The following ADK variants were observed in gnomAD, a reference collection of about 807,000 sequenced individuals.
The protein encoded by ADK is adenosine kinase.
In ADK, 24 loss-of-function variants were observed where a neutral mutation model predicts 44.7. The ratio of observed to expected loss-of-function variants is 0.54; its 90% CI spans 0.39 to 0.76. ADK has a LOEUF of 0.76. Ranked by LOEUF, ADK falls within the 30% of genes least tolerant of loss-of-function variation. The pLI, the probability that ADK is intolerant of heterozygous loss-of-function variation, is 0.00. For missense variants in ADK, 321 were observed against 425.1 expected, an observed-to-expected ratio of 0.76 and a Z score of 2.15; for synonymous variants, 128 against 142.6, an observed-to-expected ratio of 0.90 and a Z score of 0.73.
intron 4 of ADK, among the ~76,000 whole-genome samples, chr10:74,340,358 T>G (rs1260709909): frequency 1.3e-5 from 2 of 152,100 alleles, no homozygotes; most frequent in Non-Finnish European, 2.9e-5. Flanking sequence ...CCCATATAAT[T>G]TTTGAGTAGT....
chr10:74,431,066 C>CAAAAAAAAAAAAAAGA (rs1844974429), intron 6 of ADK, among the ~76,000 whole-genome samples: 1 of 57,238 alleles, frequency 1.7e-5, no homozygotes, highest in East Asian at 6.3e-4. Flanking sequence ...GACTCCGTCT[C>CAAAAAAAAAAAAAAGA]AAAAAAAAAA....
intron 4 of ADK, among the ~76,000 whole-genome samples, chr10:74,367,817 T>A (rs1377543461): frequency 6.6e-6 from 1 of 152,210 alleles, no homozygotes; most frequent in Non-Finnish European, 1.5e-5. Context: ...ATAGTGCAGA[T>A]ATGCTGTCTA....
At chr10:74,177,224 C>CG (rs145139696) in intron 1 of ADK, among the ~76,000 whole-genome samples, 10,684 of 152,100 alleles carry the variant, frequency 0.07, 1,295 homozygotes, top group African/African-American at 0.24. Flanking sequence ...CCGGAGGGAG[C>CG]GTGGCGTGCA....
chr10:74,312,552 ACAC>A (rs1036383759), intron 3 of ADK, among the ~76,000 whole-genome samples: 5 of 151,876 alleles, frequency 3.3e-5, no homozygotes, highest in African/African-American at 4.8e-5. Context: ...TAAACTATAA[ACAC>A]CAGTTAAAAA....
intron 4 of ADK, among the ~76,000 whole-genome samples, chr10:74,364,046 A>G (rs539107823): frequency 3.3e-5 from 5 of 152,230 alleles, no homozygotes; most frequent in Non-Finnish European, 7.3e-5. Flanking sequence ...TTCAACTTCT[A>G]GTAAGCAATC....
rs570858610 is a variant in ADK, at chr10:74,372,073, G to C, written c.274-22068G>C. ...GGTTTGATGTGGTGGATGCCAGCCC[G>C]GGAAGGTTTGCGCGCGTGTGGCACC... is the stretch of plus-strand genomic sequence containing the variant. On this transcript the variant is annotated intron_variant, in intron 4 of 10. Coordinates refer to ENST00000539909, the MANE Select transcript of ADK (RefSeq NM_006721.4). 1.1e-5 allele frequency: 8 copies of C among 756,654 alleles called. No homozygotes were observed. The Admixed American group carries it at 1.4e-4, about 13-fold the overall frequency. 46.9% of individuals were successfully genotyped at this position (756,654 alleles called of 1,614,324 possible).
chr10:74,163,809 C>T (rs1048881710), intron 1 of ADK, among the ~76,000 whole-genome samples: 1 of 152,100 alleles, frequency 6.6e-6, no homozygotes, highest in Non-Finnish European at 1.5e-5. Flanking sequence ...ATAAACAGTT[C>T]TCTTGTTTGT....
At chr10:74,348,154 A>G (rs1841839908) in intron 4 of ADK, among the ~76,000 whole-genome samples, 1 of 152,184 alleles carries the variant, frequency 6.6e-6, no homozygotes, top group Non-Finnish European at 1.5e-5. Context: ...AACTGCCAAC[A>G]GGGGCCAACA....
chr10:74,704,878 A>G lies in ADK; in HGVS notation c.965-3443A>G, dbSNP rs559818393. ...TGTGGACTGAGCATTTTCGCCTCAC[A>G]GTTTGGCAGAAAAGTTAATATTGAC... On this transcript the variant is annotated intron_variant, in intron 10 of 10. Transcript: ENST00000539909. Among the ~76,000 whole-genome samples the G allele has an allele frequency of 2.6e-5, 4 of 152,356 alleles. No individual in the cohort carries two copies. The South Asian group carries it at 8.3e-4, about 32-fold the overall frequency.
rs1263409961 is a variant in ADK at position 74,600,451 on chromosome 10, G to A, written c.835G>A (p.Val279Met). ...GATGAACTCAAAGAGGCAGCGAATC[G>A]TGATCTTCACCCAAGGGAGAGATGA... Reference protein sequence around the residue: ...PKMNSKRQRIVIFTQGRDDTI... With the variant: ...PKMNSKRQRIMIFTQGRDDTI... Residue 279 changes from valine (V) to methionine (M), a missense_variant, in exon 9 of 11, where the codon GTG (valine) becomes ATG (methionine). By Grantham distance (21) the Val-to-Met change is conservative (BLOSUM62 1). Coordinates refer to ENST00000539909, the MANE Select transcript of ADK (RefSeq NM_006721.4). 1.9e-5 allele frequency: 31 copies of A among 1,611,172 alleles called. No homozygotes were observed. Among genetic ancestry groups the A allele is most frequent in the African/African-American group, 2.7e-5 (2 of 74,822 alleles).
At chr10:74,444,483 C>T (rs1845527820) in intron 6 of ADK, among the ~76,000 whole-genome samples, 1 of 152,008 alleles carries the variant, frequency 6.6e-6, no homozygotes, top group African/African-American at 2.4e-5. Context: ...CTGTAGCCTT[C>T]CCTGTTACAA....
intron 3 of ADK, among the ~76,000 whole-genome samples, chr10:74,287,346 C>G (rs1010777638): frequency 5.3e-5 from 8 of 152,040 alleles, no homozygotes; most frequent in Non-Finnish European, 1.0e-4. Context: ...CGCCTGTAAT[C>G]CCAGCTACTC....
chr10:74,660,729 C>A (rs1253326304), intron 9 of ADK, among the ~76,000 whole-genome samples: 613 of 92,666 alleles, frequency 6.6e-3, no homozygotes, highest in South Asian at 8.0e-3. Context: ...GACCCTGTCT[C>A]AAAAAAAAAA....
chr10:74,482,262 A>G (rs1440267263), intron 6 of ADK, among the ~76,000 whole-genome samples: 1 of 152,154 alleles, frequency 6.6e-6, no homozygotes. Flanking sequence ...CACATCTTAC[A>G]TGGCTGGAGC....
chr10:74,575,794 G>A (rs1851163893), intron 7 of ADK, among the ~76,000 whole-genome samples: 1 of 152,130 alleles, frequency 6.6e-6, no homozygotes, highest in Admixed American at 6.5e-5. Context: ...TTAGGAGGAT[G>A]AATCTAACAG....
At chr10:74,615,590 C>T (rs2134010097) in intron 9 of ADK, among the ~76,000 whole-genome samples, 1 of 152,228 alleles carries the variant, frequency 6.6e-6, no homozygotes, top group African/African-American at 2.4e-5. Flanking sequence ...TAATTTTAGC[C>T]ATTCTGGTGA....
chr10:74,414,488 C>G (rs534980245), intron 6 of ADK, among the ~76,000 whole-genome samples: 1 of 152,148 alleles, frequency 6.6e-6, no homozygotes, highest in Admixed American at 6.6e-5. Flanking sequence ...GTAATCCCAG[C>G]ATTTTGGGAG....
intron 4 of ADK, among the ~76,000 whole-genome samples, chr10:74,393,137 C>T (rs1843394871): frequency 6.6e-6 from 1 of 152,118 alleles, no homozygotes; most frequent in Non-Finnish European, 1.5e-5. Flanking sequence ...TTCCTCTCCT[C>T]ATCCTTTTAC....
Position 74,609,990 on chromosome 10 carries a change from G to A in ADK, c.877+9497G>A, listed in dbSNP as rs557771149. ...GTTTCAGTCCTTGCAGGTTAATTGA[G>A]TTTCAAAAAAATTTTCAAGGGAGTG... On this transcript the variant is annotated intron_variant, in intron 9 of 10. Coordinates refer to ENST00000539909, the MANE Select transcript of ADK (RefSeq NM_006721.4). Among the ~76,000 whole-genome samples the A allele has an allele frequency of 6.6e-5, 10 of 152,142 alleles. No individual in the cohort carries two copies. In the South Asian group the frequency reaches 2.1e-3, roughly 32 times the overall value.
Sources: gnomAD v4.1 joint callset for allele counts (sites outside exome capture counted in the v4.1 genomes callset) on GRCh38, gnomAD v4.1.1 for gene constraint, MANE v1.5 for transcripts, NCBI Gene and HGNC (gene_info 2026-07-23, HGNC 2026-07-21) for gene names.